Variants in SH3BGRL2 observed in about 807,000 individuals in gnomAD.
The protein encoded by SH3BGRL2 is SH3 domain-binding glutamic acid-rich-like protein 2.
Under a neutral mutation model 14.8 loss-of-function variants are expected in SH3BGRL2, and 21 were observed. The ratio of observed to expected loss-of-function variants is 1.42; its 90% CI spans 1.01 to 2.05. The LOEUF is 2.05. Ranked by LOEUF, SH3BGRL2 falls within the 30% of genes most tolerant of loss-of-function variation. SH3BGRL2 has a pLI of 0.00. For synonymous variants in SH3BGRL2, 50 were observed against 47.8 expected (o/e 1.05, Z -0.19); for missense variants, 147 against 130.8 (o/e 1.12, Z -0.61).
chr6:79,540,846 G>GA, the SH3BGRL2 span, among the ~76,000 whole-genome samples: 1 of 152,108 alleles, frequency 6.6e-6, no homozygotes, highest in Non-Finnish European at 1.5e-5. Flanking sequence ...ATCTAAACTG[G>GA]AAAAAATTAG....
At chr6:79,699,424 C>T (rs2127740744) in intron 3 of SH3BGRL2, 74 bp from the exon 4 acceptor site, 1 of 1,475,148 alleles carries the variant, frequency 6.8e-7, no homozygotes, top group East Asian at 2.4e-5. Context: ...AAACCCCTGC[C>T]AAGGGTGAAT....
the SH3BGRL2 span, among the ~76,000 whole-genome samples, chr6:79,608,142 T>G: frequency 6.6e-6 from 1 of 152,036 alleles, no homozygotes; most frequent in African/African-American, 2.4e-5. Flanking sequence ...TCGTGAGAAC[T>G]CACTCACTAT....
At chr6:79,673,511 C>T in intron 1 of SH3BGRL2, 103 bp from the exon 2 acceptor site, 2 of 1,174,656 alleles carry the variant, frequency 1.7e-6, no homozygotes, top group Middle Eastern at 2.5e-4. Context: ...ACATAAATCA[C>T]CTCTTTTTTT....
intron 2 of SH3BGRL2, among the ~76,000 whole-genome samples, chr6:79,691,926 G>C (rs1162548299): frequency 6.6e-6 from 1 of 151,844 alleles, no homozygotes; most frequent in African/African-American, 2.4e-5. Context: ...CTGAGGAATT[G>C]CCACACTGAC....
At chr6:79,635,417 C>A (rs1768903736) in intron 1 of SH3BGRL2, among the ~76,000 whole-genome samples, 1 of 152,198 alleles carries the variant, frequency 6.6e-6, no homozygotes, top group South Asian at 2.1e-4. Flanking sequence ...TGCATTCATT[C>A]TTGCATTGAA....
At chr6:79,559,042 T>C in the SH3BGRL2 span, among the ~76,000 whole-genome samples, 1 of 152,156 alleles carries the variant, frequency 6.6e-6, no homozygotes, top group Non-Finnish European at 1.5e-5. Flanking sequence ...AGTATAGTAA[T>C]GTGTATAAAT....
chr6:79,572,151 A>AC, the SH3BGRL2 span, among the ~76,000 whole-genome samples: 28 of 152,200 alleles, frequency 1.8e-4, no homozygotes, highest in Non-Finnish European at 3.4e-4. Context: ...CCAGAATACC[A>AC]CATTGCATTT....
At chr6:79,622,478 T>C in the SH3BGRL2 span, among the ~76,000 whole-genome samples, 2 of 152,178 alleles carry the variant, frequency 1.3e-5, no homozygotes, top group Non-Finnish European at 2.9e-5. Flanking sequence ...ACCTCAAAGA[T>C]TCCTTTCAAA....
At chr6:79,657,572 A>C (rs1381619379) in intron 1 of SH3BGRL2, among the ~76,000 whole-genome samples, 1 of 152,138 alleles carries the variant, frequency 6.6e-6, no homozygotes, top group East Asian at 1.9e-4. Flanking sequence ...TGAGAAATAA[A>C]GTTATTAAAT....
At chr6:79,571,761 CATT>C in the SH3BGRL2 span, among the ~76,000 whole-genome samples, 1 of 152,006 alleles carries the variant, frequency 6.6e-6, no homozygotes, top group Non-Finnish European at 1.5e-5. Flanking sequence ...ACATATATAT[CATT>C]AAATAAAACA....
At chr6:79,559,288 A>T in the SH3BGRL2 span, among the ~76,000 whole-genome samples, 1 of 151,700 alleles carries the variant, frequency 6.6e-6, no homozygotes, top group Admixed American at 6.6e-5. Context: ...ACATGGTGAG[A>T]CCCCATCCGT....
chr6:79,698,210 C>T (rs183077427), intron 3 of SH3BGRL2, among the ~76,000 whole-genome samples: 19 of 152,278 alleles, frequency 1.2e-4, no homozygotes, highest in Admixed American at 1.1e-3. Context: ...AGCACAAGGT[C>T]TGTGCCACTC....
At chr6:79,632,957 G>A (rs1768854244) in intron 1 of SH3BGRL2, among the ~76,000 whole-genome samples, 1 of 152,192 alleles carries the variant, frequency 6.6e-6, no homozygotes, top group African/African-American at 2.4e-5. Flanking sequence ...GATTATGGAA[G>A]GAATGGTTTT....
In SH3BGRL2 at chr6:79,673,773, A is replaced by G; in HGVS notation, c.205A>G (p.Ile69Val). Reference protein sequence around the residue: ...PTQGNPLPPQIFNGDRYCGDY... With the variant: ...PTQGNPLPPQVFNGDRYCGDY... ...TCAGGGCAACCCCCTGCCACCTCAGATATTTAATGGCGACCGATACTGTGG... is the reference window on the plus strand; with the variant it reads ...TCAGGGCAACCCCCTGCCACCTCAGGTATTTAATGGCGACCGATACTGTGG... The change falls in exon 2 of 4, where the codon ATA (isoleucine) becomes GTA (valine). Residue 69 changes from isoleucine to valine, a missense_variant. By Grantham distance (29) the Ile-to-Val change is conservative (BLOSUM62 3). Transcript: ENST00000369838. 14 of 1,614,000 alleles carry G rather than the reference A, an allele frequency of 8.7e-6. No homozygotes were observed. The highest frequency in any genetic ancestry group is 1.2e-5 in the Non-Finnish European group (14 of 1,179,970).
intron 1 of SH3BGRL2, among the ~76,000 whole-genome samples, chr6:79,644,263 A>G (rs1012536928): frequency 1.3e-5 from 2 of 152,188 alleles, no homozygotes; most frequent in African/African-American, 4.8e-5. Flanking sequence ...AGGGAGTTGA[A>G]TGCAAGAGAG....
chr6:79,622,559 G>C, the SH3BGRL2 span, among the ~76,000 whole-genome samples: 1 of 152,066 alleles, frequency 6.6e-6, no homozygotes, highest in East Asian at 1.9e-4. Flanking sequence ...CTTCTACCCA[G>C]GATTCCAGTT....
In SH3BGRL2 at chr6:79,696,537, T is replaced by C. The variant is rs372055103; in HGVS notation, c.284T>C (p.Leu95Ser). The change falls in exon 3 of 4, where the codon TTA becomes TCA. Residue 95 changes from leucine to serine, a missense_variant. Transcript: ENST00000369838. ...SKESNTVFSF[L>S]GLKPRLASKA... ...GAAAGCAACACAGTCTTTTCATTTT[T>C]AGGCCTGAAACCACGGTTGGCATCA... is the stretch of plus-strand genomic sequence containing the variant. The C allele has an allele frequency of 3.8e-6, 6 of 1,574,492 alleles. No homozygotes were observed. Among genetic ancestry groups the C allele is most frequent in the Non-Finnish European group, 5.1e-6 (6 of 1,168,990 alleles).
At chr6:79,624,515 A>C in the SH3BGRL2 span, among the ~76,000 whole-genome samples, 2 of 151,968 alleles carry the variant, frequency 1.3e-5, no homozygotes, top group African/African-American at 4.8e-5. Context: ...ATCTTCCCCA[A>C]TTAGGCCATA....
rs530712806 is a variant in SH3BGRL2, at chr6:79,653,861, G to T, written c.46-19753G>T. Reference sequence around the variant, plus strand: ...TGAGCCATGTATGTTGCATTGTCCCGCTGGCTAGCTCAAGCTTCTTCACTT... The same window carrying T: ...TGAGCCATGTATGTTGCATTGTCCCTCTGGCTAGCTCAAGCTTCTTCACTT... On this transcript the variant is annotated intron_variant, in intron 1 of 3. Coordinates refer to ENST00000369838, the MANE Select transcript of SH3BGRL2 (RefSeq NM_031469.4). Among the ~76,000 whole-genome samples the T allele has an allele frequency of 2.6e-5, 4 of 152,314 alleles. No individual in the cohort carries two copies. In the South Asian group the frequency reaches 8.3e-4, roughly 32 times the overall value.
Sources: gnomAD v4.1 joint callset for allele counts (sites outside exome capture counted in the v4.1 genomes callset) on GRCh38, gnomAD v4.1.1 for gene constraint, MANE v1.5 for transcripts, NCBI Gene and HGNC (gene_info 2026-07-23, HGNC 2026-07-21) for gene names.